Variants in ATRNL1 observed in about 807,000 individuals in gnomAD.
The protein encoded by ATRNL1 is attractin-like protein 1.
In ATRNL1, 95 loss-of-function variants were observed where a neutral mutation model predicts 182.7. The observed-to-expected ratio is 0.52, with a 90% CI of 0.44 to 0.62. ATRNL1 has a LOEUF of 0.62. ATRNL1 is among the 20% of genes least tolerant of loss of function. The pLI is 0.00. For missense variants in ATRNL1, 1,471 were observed against 1,679.5 expected (o/e 0.88, Z 2.17); for synonymous variants, 576 against 568.3 (o/e 1.01, Z -0.19).
chr10:115,146,952 T>C (rs1403075672), intron 5 of ATRNL1, among the ~76,000 whole-genome samples: 1 of 152,134 alleles, frequency 6.6e-6, no homozygotes, highest in African/African-American at 2.4e-5. Flanking sequence ...CAGGTATCTC[T>C]CTGTTACAGT....
intron 18 of ATRNL1, among the ~76,000 whole-genome samples, chr10:115,323,593 T>C (rs1554932210): frequency 2.0e-5 from 3 of 151,342 alleles, no homozygotes; most frequent in Non-Finnish European, 4.4e-5. Flanking sequence ...TACAGGCATG[T>C]GCCACCACAC....
intron 25 of ATRNL1, among the ~76,000 whole-genome samples, chr10:115,522,814 G>A (rs1483080190): frequency 2.6e-5 from 4 of 152,226 alleles, no homozygotes; most frequent in African/African-American, 9.6e-5. Context: ...ATTCCAAAAG[G>A]GAGAAACTGG....
chr10:115,732,030 G>T (rs1392636340), intron 27 of ATRNL1, among the ~76,000 whole-genome samples: 1 of 152,160 alleles, frequency 6.6e-6, no homozygotes, highest in Non-Finnish European at 1.5e-5. Flanking sequence ...ATATTCCATT[G>T]TATGGATGTG....
At chr10:115,886,117 T>G (rs1951938658) in intron 28 of ATRNL1, among the ~76,000 whole-genome samples, 1 of 151,646 alleles carries the variant, frequency 6.6e-6, no homozygotes, top group African/African-American at 2.4e-5. Context: ...TTCCACCGAG[T>G]GAAACCAAAG....
chr10:115,355,780 A>G lies in ATRNL1; in HGVS notation c.3175+21361A>G, dbSNP rs368788872. 3.0e-4 allele frequency among the ~76,000 whole-genome samples: 45 copies of G among 152,094 alleles called. 1 individual carries two copies. The South Asian group carries it at 9.3e-3, about 32-fold the overall frequency. On this transcript the variant is annotated intron_variant, in intron 19 of 28. Coordinates refer to ENST00000355044, the MANE Select transcript of ATRNL1 (RefSeq NM_207303.4). ...TTTTTTCCTTTAATATTACATTTGT[A>G]ATTGGTAATGTCTGTTTTTATATCT...
intron 27 of ATRNL1, among the ~76,000 whole-genome samples, chr10:115,817,585 A>G (rs560323452): frequency 2.6e-5 from 4 of 152,224 alleles, no homozygotes; most frequent in African/African-American, 9.6e-5. Flanking sequence ...GGACCCACTG[A>G]GAAACACTTA....
At chr10:115,596,401 C>T (rs185186414) in intron 26 of ATRNL1, among the ~76,000 whole-genome samples, 61 of 152,226 alleles carry the variant, frequency 4.0e-4, no homozygotes, top group African/African-American at 1.1e-3. Context: ...CCACCACGCC[C>T]GGCCCGTCAT....
intron 26 of ATRNL1, among the ~76,000 whole-genome samples, chr10:115,645,416 G>T (rs1165133101): frequency 2.7e-5 from 4 of 146,334 alleles, no homozygotes; most frequent in Non-Finnish European, 4.5e-5. Context: ...CTCAATGGGA[G>T]ATATATATAT....
chr10:115,370,168 G>A (rs1233162711), intron 19 of ATRNL1, among the ~76,000 whole-genome samples: 1 of 152,206 alleles, frequency 6.6e-6, no homozygotes, highest in Non-Finnish European at 1.5e-5. Context: ...CAGCCATGTG[G>A]AACTGTAAGT....
Position 115,827,194 on chromosome 10 carries a change from C to T in ATRNL1, c.3904-20683C>T, listed in dbSNP as rs148585208. Among the ~76,000 whole-genome samples, 69 of 152,310 alleles carry T rather than the reference C, an allele frequency of 4.5e-4. 1 individual carries two copies. In the East Asian group the frequency reaches 0.011, roughly 24 times the overall value. ...TCCCTGCCACAGAGGGAGCCTCCAA[C>T]GTCTGAAAGTCCGACAGCATTGACT... On this transcript the variant is annotated intron_variant, in intron 27 of 28. Transcript: ENST00000355044.
At chr10:115,506,644 G>A (rs1215581178) in intron 24 of ATRNL1, among the ~76,000 whole-genome samples, 4 of 152,042 alleles carry the variant, frequency 2.6e-5, no homozygotes, top group African/African-American at 9.7e-5. Context: ...CTTGTTGGAA[G>A]CAAGTAAAAC....
At chr10:115,235,084 C>T (rs929212460) in intron 9 of ATRNL1, among the ~76,000 whole-genome samples, 12 of 152,178 alleles carry the variant, frequency 7.9e-5, no homozygotes, top group Admixed American at 5.2e-4. Context: ...TAGTCATGAT[C>T]TTTCATTTGA....
At chr10:115,507,413 T>C (rs1850167242) in intron 24 of ATRNL1, among the ~76,000 whole-genome samples, 1 of 152,040 alleles carries the variant, frequency 6.6e-6, no homozygotes, top group African/African-American at 2.4e-5. Context: ...AGGAATATAA[T>C]AATCAAATGC....
intron 26 of ATRNL1, among the ~76,000 whole-genome samples, chr10:115,649,767 G>T (rs2133877810): frequency 6.6e-6 from 1 of 152,186 alleles, no homozygotes; most frequent in South Asian, 2.1e-4. Context: ...ATAACTTCAG[G>T]AATAAACTGT....
chr10:115,807,265 G>A (rs911177247), intron 27 of ATRNL1, among the ~76,000 whole-genome samples: 33 of 152,046 alleles, frequency 2.2e-4, no homozygotes, highest in Non-Finnish European at 4.4e-5. Flanking sequence ...ACAAGCGTGT[G>A]TCACCACACC....
chr10:115,461,055 G>A (rs988222056), intron 21 of ATRNL1, among the ~76,000 whole-genome samples: 2 of 151,924 alleles, frequency 1.3e-5, no homozygotes, highest in Non-Finnish European at 2.9e-5. Flanking sequence ...GTAAGCATAC[G>A]AATAATGCCT....
chr10:115,197,823 C>G (rs1294997371), intron 8 of ATRNL1, among the ~76,000 whole-genome samples: 1 of 152,112 alleles, frequency 6.6e-6, no homozygotes, highest in Non-Finnish European at 1.5e-5. Flanking sequence ...TGAGCCCGCA[C>G]GTAAGTGGGC....
chr10:115,121,060 C>T (rs1296359362), intron 2 of ATRNL1, among the ~76,000 whole-genome samples: 1 of 152,056 alleles, frequency 6.6e-6, no homozygotes, highest in Non-Finnish European at 1.5e-5. Flanking sequence ...TGTACAGTTC[C>T]ATAAGGTTTC....
At chr10:115,192,087 A>T (rs1354891874) in intron 8 of ATRNL1, among the ~76,000 whole-genome samples, 1 of 151,812 alleles carries the variant, frequency 6.6e-6, no homozygotes, top group Admixed American at 6.6e-5. Context: ...TGTGCAGAAG[A>T]TTTTTTTAGC....
Sources: allele counts gnomAD v4.1 joint callset (sites outside exome capture counted in the v4.1 genomes callset), GRCh38; gene constraint gnomAD v4.1.1; transcripts MANE v1.5; gene names NCBI Gene and HGNC (gene_info 2026-07-23, HGNC 2026-07-21).